The following CACNA1S variants were observed in gnomAD, a reference collection of about 807,000 sequenced individuals.
The protein encoded by CACNA1S is calcium voltage-gated channel subunit alpha1 S.
In CACNA1S, 126 loss-of-function variants were observed where a neutral mutation model predicts 207.4. That is an observed-to-expected ratio of 0.61 (90% confidence interval 0.53 to 0.70). The LOEUF (loss-of-function observed/expected upper bound fraction) is 0.70, where lower values mean the gene tolerates loss of function less well. CACNA1S is among the 30% of genes least tolerant of loss of function. The pLI is 0.00. For synonymous variants in CACNA1S, 960 were observed against 932.7 expected (o/e 1.03, Z -0.53); for missense variants, 2,349 against 2,422.8 (o/e 0.97, Z 0.64).
intron 2 of CACNA1S, among the ~76,000 whole-genome samples, chr1:201,109,531 A>C (rs1663023464): frequency 6.6e-6 from 1 of 152,202 alleles, no homozygotes; most frequent in South Asian, 2.1e-4. Flanking sequence ...TAAGTCCCTG[A>C]ACCTCTCTAG....
rs570116981 is a variant in CACNA1S, at chr1:201,086,411, A to G, written c.1005-830T>C. Among the ~76,000 whole-genome samples the G allele has an allele frequency of 5.9e-5, 9 of 152,380 alleles. No individual in the cohort carries two copies. In the South Asian group the frequency reaches 1.9e-3, roughly 32 times the overall value. ...GATGCGTTCTGAGAAAGGCATTGTT[A>G]GGTGACTTCATCTCTGTGCAGACAT... On this transcript the variant is annotated intron_variant, in intron 7 of 43. Coordinates refer to ENST00000362061, the MANE Select transcript of CACNA1S (RefSeq NM_000069.3).
At chr1:201,073,401 C>T in intron 15 of CACNA1S, 148 bp downstream of exon 15, 1 of 767,086 alleles carries the variant, frequency 1.3e-6, no homozygotes, top group Non-Finnish European at 2.3e-6. Flanking sequence ...CTGGCTCTCC[C>T]TCCAGTCGTA....
chr1:201,061,221 G>A (rs778890797), intron 25 of CACNA1S, 46 bp downstream of exon 25: 3 of 1,532,436 alleles, frequency 2.0e-6, no homozygotes, highest in Non-Finnish European at 2.7e-6. Flanking sequence ...CCAGCAGGAG[G>A]CCTGCTGGAG....
chr1:201,043,592 C>T lies in CACNA1S; in HGVS notation c.4798-61G>A, dbSNP rs950929755. 6.9e-6 allele frequency: 10 copies of T among 1,458,144 alleles called. No individual in the cohort carries two copies. In the African/African-American group the frequency reaches 1.1e-4, roughly 16 times the overall value. The allele number at this position is 1,458,144 out of a possible 1,614,324, so 90.3% of individuals were successfully genotyped here. On this transcript the variant is annotated intron_variant, in intron 39 of 43. Transcript: ENST00000362061. ...GGGCAGGGAGGGCATGGGGGGCTGT[C>T]ACTCTGGGACAGTGGTATTGGGAAC...
At chr1:201,049,898 G>A (rs1254234184) in intron 34 of CACNA1S, among the ~76,000 whole-genome samples, 1 of 152,206 alleles carries the variant, frequency 6.6e-6, no homozygotes, top group Admixed American at 6.5e-5. Context: ...CCTCATCTGA[G>A]ACTGAGACCA....
At position 201,056,070 on chromosome 1, in the gene CACNA1S, G is replaced by GACACACACACACACACACAC. The variant is rs58170287; in HGVS notation, c.3610-1529_3610-1510dup. 8.4e-5 allele frequency among the ~76,000 whole-genome samples: 8 copies of GACACACACACACACACACAC among 94,916 alleles called. No homozygotes were observed. The East Asian group carries it at 9.1e-4, about 11-fold the overall frequency. The allele number at this position is 94,916 out of a possible 152,430, so 62.3% of individuals were successfully genotyped here. A position where few individuals can be genotyped will look rare whatever the true frequency, so the allele number is the denominator to read the frequency against. On this transcript the variant is annotated intron_variant, in intron 28 of 43. Coordinates refer to ENST00000362061, the MANE Select transcript of CACNA1S (RefSeq NM_000069.3). ...ACACACACAGACAGACAGACAGACA[G>GACACACACACACACACACAC]ACACACACACACACACACACACACA...
At chr1:201,107,664 C>T (rs559315803) in intron 2 of CACNA1S, among the ~76,000 whole-genome samples, 1 of 152,330 alleles carries the variant, frequency 6.6e-6, no homozygotes, top group South Asian at 2.1e-4. Flanking sequence ...CCCTTCTCTG[C>T]TACCTACAAA....
At chr1:201,083,117 C>T in intron 10 of CACNA1S, 45 bp downstream of exon 10, 1 of 1,609,946 alleles carries the variant, frequency 6.2e-7, no homozygotes, top group South Asian at 1.1e-5. Context: ...CATCAAGCCA[C>T]AGCCACATGT....
intron 1 of CACNA1S, among the ~76,000 whole-genome samples, chr1:201,111,468 A>G (rs1217152908): frequency 6.6e-6 from 1 of 152,106 alleles, no homozygotes; most frequent in Non-Finnish European, 1.5e-5. Flanking sequence ...CAAACATAGC[A>G]TGAGTTTCAA....
Position 201,091,505 on chromosome 1 carries a change from G to A in CACNA1S, c.694+135C>T, listed in dbSNP as rs370947956. 21 of 1,002,078 alleles carry A rather than the reference G, an allele frequency of 2.1e-5. No homozygotes were observed. The South Asian group carries it at 2.7e-4, about 13-fold the overall frequency. 62.1% of individuals were successfully genotyped at this position (1,002,078 alleles called of 1,614,324 possible). On this transcript the variant is annotated intron_variant, in intron 5 of 43. Coordinates refer to ENST00000362061, the MANE Select transcript of CACNA1S (RefSeq NM_000069.3). ...CTTCCTCCAAGTCCCCCTTATCCAG[G>A]AGAAACCCATTCTCAAGGTCAACAG... is the stretch of plus-strand genomic sequence containing the variant.
intron 5 of CACNA1S, among the ~76,000 whole-genome samples, chr1:201,091,413 TTTCAGAAC>T (rs1405345065): frequency 2.0e-5 from 3 of 152,206 alleles, no homozygotes; most frequent in Non-Finnish European, 4.4e-5. Flanking sequence ...GGTGACGGTG[TTTCAGAAC>T]CAGCCATGGC....
chr1:201,041,730 C>T (rs1472573304), intron 40 of CACNA1S, 141 bp from the exon 41 acceptor site: 6 of 715,656 alleles, frequency 8.4e-6, no homozygotes, highest in East Asian at 5.4e-5. Context: ...CTAGGGCTGA[C>T]GTTTCCACCA....
chr1:201,110,816 C>T (rs1312716916), intron 1 of CACNA1S, among the ~76,000 whole-genome samples: 3 of 152,306 alleles, frequency 2.0e-5, no homozygotes, highest in South Asian at 2.1e-4. Context: ...CATCACACCT[C>T]ACCCCTCCCA....
intron 2 of CACNA1S, among the ~76,000 whole-genome samples, chr1:201,099,030 G>A (rs1292385557): frequency 6.6e-6 from 1 of 152,176 alleles, no homozygotes; most frequent in African/African-American, 2.4e-5. Context: ...AAGCAGGGCT[G>A]GGACCGCACA....
chr1:201,060,211 G>A (rs888541291), intron 26 of CACNA1S, among the ~76,000 whole-genome samples: 25 of 152,284 alleles, frequency 1.6e-4, no homozygotes, highest in Admixed American at 1.4e-3. Context: ...ATCGAGGCTT[G>A]ATAACGATGC....
rs1456956004 is a variant in CACNA1S, at chr1:201,089,266, G to T, written c.892C>A (p.Leu298Ile). Residue 298 changes from leucine (L) to isoleucine (I), a missense_variant, in exon 6 of 44, where the codon CTT (leucine) becomes ATT (isoleucine). Physicochemically the swap from Leu to Ile is conservative, Grantham distance 5 (BLOSUM62 2). Coordinates refer to ENST00000362061, the MANE Select transcript of CACNA1S (RefSeq NM_000069.3). Reference protein sequence around the residue: ...CITMEGWTDVLYWVNDAIGNE... With the variant: ...CITMEGWTDVIYWVNDAIGNE... ...CGCGGGCCCAGACCCACCCAGTAAA[G>T]GACGTCAGTCCATCCCTCCATGGTA... 8 of 1,614,234 alleles carry T rather than the reference G, an allele frequency of 5.0e-6. No homozygotes were observed. The East Asian group carries it at 1.8e-4, about 36-fold the overall frequency.
intron 32 of CACNA1S, 26 bp downstream of exon 32, chr1:201,052,531 G>C (rs1234385283): frequency 1.3e-6 from 2 of 1,561,434 alleles, no homozygotes; most frequent in African/African-American, 2.7e-5. Context: ...AGCGGGGTAG[G>C]GGTGGGGGTG....
chr1:201,096,045 C>G (rs1371211032), intron 2 of CACNA1S, among the ~76,000 whole-genome samples: 1 of 152,234 alleles, frequency 6.6e-6, no homozygotes, highest in Non-Finnish European at 1.5e-5. Context: ...CAAGGAAAAA[C>G]AGGACCTGAA....
chr1:201,082,051 A>G (rs1402408567), intron 10 of CACNA1S, among the ~76,000 whole-genome samples: 4 of 120,386 alleles, frequency 3.3e-5, no homozygotes, highest in Non-Finnish European at 6.9e-5. Flanking sequence ...TTTTTTTGAG[A>G]CAGAGTCTCG....
Sources: allele counts gnomAD v4.1 joint callset (sites outside exome capture counted in the v4.1 genomes callset), GRCh38; gene constraint gnomAD v4.1.1; transcripts MANE v1.5; gene names NCBI Gene and HGNC (gene_info 2026-07-23, HGNC 2026-07-21).